Variants in KPNA1 observed in about 807,000 individuals in gnomAD.
KPNA1 encodes the protein karyopherin subunit alpha 1, also known as importin subunit alpha-5.
A neutral mutation model predicts 70.5 loss-of-function variants in KPNA1; 10 were observed. The observed-to-expected ratio is 0.14, with a 90% CI of 0.09 to 0.24. The LOEUF (loss-of-function observed/expected upper bound fraction) is 0.24, where lower values mean the gene tolerates loss of function less well. KPNA1 is among the 10% of genes least tolerant of loss of function. The probability of loss-of-function intolerance (pLI) is 1.00; values close to 1 mark genes in which losing one functional copy is unlikely to be tolerated. For synonymous variants in KPNA1, 192 were observed against 221.9 expected (o/e 0.87, Z 1.20); for missense variants, 397 against 637.9 (o/e 0.62, Z 4.07).
chr3:122,449,771 T>C (rs776253118), intron 8 of KPNA1, 34 bp from the exon 9 acceptor site: 24 of 1,579,182 alleles, frequency 1.5e-5, no homozygotes, highest in Non-Finnish European at 2.0e-5. Flanking sequence ...TGAAATTCAA[T>C]AGACTAAAAG....
chr3:122,486,651 G>A (rs528130216), intron 2 of KPNA1, among the ~76,000 whole-genome samples: 40 of 151,850 alleles, frequency 2.6e-4, no homozygotes, highest in Non-Finnish European at 4.6e-4. Flanking sequence ...GCAGTGGCGC[G>A]ATCTCAGCTC....
chr3:122,426,795 T>A lies in KPNA1; in HGVS notation c.*190A>T. The A allele has an allele frequency of 2.0e-6, 1 of 496,200 alleles. No homozygotes were observed. The highest frequency in any genetic ancestry group is 3.6e-6 in the Non-Finnish European group (1 of 280,350). 30.7% of individuals were successfully genotyped at this position (496,200 alleles called of 1,614,324 possible). On this transcript the variant is annotated 3_prime_UTR_variant, in exon 14 of 14. Transcript: ENST00000344337. ...TCTGGTTACCCTTTTATTAGAAGGG[T>A]ATTCCACCACAGAGAGCCGGAGGTT...
chr3:122,495,765 T>C (rs74621936), intron 2 of KPNA1, among the ~76,000 whole-genome samples: 4,346 of 150,608 alleles, frequency 0.029, 198 homozygotes, highest in African/African-American at 0.096. Flanking sequence ...AAGCCTTATG[T>C]CTTTTCATTT....
At chr3:122,499,827 G>C (rs1462427161) in intron 1 of KPNA1, among the ~76,000 whole-genome samples, 2 of 151,842 alleles carry the variant, frequency 1.3e-5, no homozygotes, top group East Asian at 1.9e-4. Flanking sequence ...TTTGGTATCA[G>C]AGTGATACCA....
chr3:122,510,266 C>G (rs891948574), intron 1 of KPNA1, among the ~76,000 whole-genome samples: 2 of 151,984 alleles, frequency 1.3e-5, no homozygotes, highest in South Asian at 2.1e-4. Flanking sequence ...AAAGAAAATA[C>G]AGGAAACAGT....
intron 1 of KPNA1, among the ~76,000 whole-genome samples, chr3:122,502,225 C>T (rs2076836955): frequency 6.6e-6 from 1 of 152,190 alleles, no homozygotes; most frequent in Non-Finnish European, 1.5e-5. Context: ...ACACAGGTCT[C>T]ATTATACACC....
chr3:122,466,051 G>C (rs2076376831), intron 3 of KPNA1, among the ~76,000 whole-genome samples: 1 of 152,086 alleles, frequency 6.6e-6, no homozygotes, highest in Admixed American at 6.5e-5. Flanking sequence ...AAAAAAATTG[G>C]AAAGACTGGC....
rs138968904 is a variant in KPNA1, at chr3:122,489,742, G to A, written c.129+6695C>T. ...TGTGTTTTCCTGCTTTTTTGTATAC[G>A]TCACAATCTTTGGATGCCAGACAAT... On this transcript the variant is annotated intron_variant, in intron 2 of 13. Transcript: ENST00000344337. Among the ~76,000 whole-genome samples the A allele has an allele frequency of 1.4e-4, 22 of 152,054 alleles. No homozygotes were observed. In the East Asian group the frequency reaches 2.1e-3, roughly 15 times the overall value.
chr3:122,426,863 T>G lies in KPNA1; in HGVS notation c.*122A>C. On this transcript the variant is annotated 3_prime_UTR_variant, in exon 14 of 14. Transcript: ENST00000344337. Reference sequence around the variant, plus strand: ...AGAGCAGGTGCGCAAGGCAAGCAAATGAGCGCAAACAGTATTATGGAAAAC... The same window carrying G: ...AGAGCAGGTGCGCAAGGCAAGCAAAGGAGCGCAAACAGTATTATGGAAAAC... 1 of 722,642 alleles carries G rather than the reference T, an allele frequency of 1.4e-6. No individual in the cohort carries two copies. Among genetic ancestry groups the G allele is most frequent in the Non-Finnish European group, 2.2e-6 (1 of 447,280 alleles). The allele number at this position is 722,642 out of a possible 1,614,324, so 44.8% of individuals were successfully genotyped here. A position where few individuals can be genotyped will look rare whatever the true frequency, so the allele number is the denominator to read the frequency against.
chr3:122,428,695 G>C (rs57706068), intron 12 of KPNA1, among the ~76,000 whole-genome samples: 2 of 152,144 alleles, frequency 1.3e-5, no homozygotes, highest in African/African-American at 2.4e-5. Context: ...AATGACTGAT[G>C]TGAACAGGCT....
In KPNA1 at chr3:122,426,559, C is replaced by T. The variant is rs1173515157; in HGVS notation, c.*426G>A. 1 of 153,760 alleles carries T rather than the reference C, an allele frequency of 6.5e-6. No homozygotes were observed. The highest frequency in any genetic ancestry group is 1.4e-5 in the Non-Finnish European group (1 of 69,652). 9.5% of individuals were successfully genotyped at this position (153,760 alleles called of 1,614,324 possible). A position where few individuals can be genotyped will look rare whatever the true frequency, so the allele number is the denominator to read the frequency against. ...CAACAGGTCTAAACATCTCCCTTGT[C>T]GTAAGTAGTTGTGTAAAATTCAAGA... On this transcript the variant is annotated 3_prime_UTR_variant, in exon 14 of 14. Transcript: ENST00000344337.
chr3:122,443,432 G>A (rs2076092455), intron 9 of KPNA1, among the ~76,000 whole-genome samples: 2 of 152,328 alleles, frequency 1.3e-5, no homozygotes, highest in South Asian at 4.1e-4. Flanking sequence ...GTCCCTGTCT[G>A]ACAGCTCTGA....
At chr3:122,459,509 C>T (rs1013964851) in intron 5 of KPNA1, 20 of 985,298 alleles carry the variant, frequency 2.0e-5, no homozygotes, top group South Asian at 1.4e-4. Flanking sequence ...CTCTGGTTCT[C>T]GGCAGGTTGC....
At chr3:122,461,071 C>T (rs1160399340) in intron 5 of KPNA1, among the ~76,000 whole-genome samples, 153 bp downstream of exon 5, 2 of 152,016 alleles carry the variant, frequency 1.3e-5, no homozygotes, top group African/African-American at 4.8e-5. Flanking sequence ...GTTAACAAAG[C>T]TATGAAAGCA....
chr3:122,492,854 G>GT (rs1407592480), intron 2 of KPNA1, among the ~76,000 whole-genome samples: 2 of 152,194 alleles, frequency 1.3e-5, no homozygotes, highest in East Asian at 3.8e-4. Context: ...CTGAACTGCT[G>GT]TAACCACTTA....
chr3:122,459,364 ATC>A, intron 5 of KPNA1: 1 of 944,676 alleles, frequency 1.1e-6, no homozygotes, highest in Non-Finnish European at 1.3e-6. Context: ...TAAATTCAGT[ATC>A]TCTCATCTAC....
intron 10 of KPNA1, among the ~76,000 whole-genome samples, chr3:122,441,757 G>A (rs574092568): frequency 4.6e-5 from 7 of 152,160 alleles, no homozygotes; most frequent in East Asian, 3.9e-4. Flanking sequence ...GTGCAACCAC[G>A]CCCGGCTAAT....
intron 8 of KPNA1, 48 bp from the exon 9 acceptor site, chr3:122,449,785 G>A (rs1390566058): frequency 6.6e-7 from 1 of 1,514,728 alleles, no homozygotes; most frequent in African/African-American, 1.4e-5. Flanking sequence ...CTAAAAGCCA[G>A]AAGTGAGGTG....
intron 12 of KPNA1, among the ~76,000 whole-genome samples, chr3:122,431,858 C>T (rs1475234904): frequency 2.0e-5 from 3 of 150,854 alleles, no homozygotes; most frequent in Non-Finnish European, 4.4e-5. Context: ...GGCTGGAGTG[C>T]AGTGGCATGA....
Sources: gnomAD v4.1 joint callset for allele counts (sites outside exome capture counted in the v4.1 genomes callset) on GRCh38, gnomAD v4.1.1 for gene constraint, MANE v1.5 for transcripts, NCBI Gene and HGNC (gene_info 2026-07-23, HGNC 2026-07-21) for gene names.